Variants in TRAPPC9 observed in about 807,000 individuals in gnomAD.
TRAPPC9 encodes trafficking protein particle complex subunit 9.
TRAPPC9 carries 83 observed loss-of-function variants against 124.0 expected under a neutral mutation model. The ratio of observed to expected loss-of-function variants is 0.67; its 90% confidence interval spans 0.56 to 0.80. TRAPPC9 has a LOEUF of 0.80. Ranked by LOEUF, TRAPPC9 falls within the 30% of genes least tolerant of loss-of-function variation. TRAPPC9 has a pLI of 0.00. For missense variants in TRAPPC9, 1,302 were observed against 1,508.3 expected (o/e 0.86, Z 2.27); for synonymous variants, 638 against 617.5 (o/e 1.03, Z -0.49).
In TRAPPC9 at chr8:140,126,044, T is replaced by C. The variant is rs376276884; in HGVS notation, c.2556+95415A>G. 3.9e-5 allele frequency among the ~76,000 whole-genome samples: 6 copies of C among 152,226 alleles called. No homozygotes were observed. The South Asian group carries it at 6.2e-4, about 16-fold the overall frequency. ...GCCTCGGCCTCCCAAAGTGCTGGGA[T>C]TACAGGCATGAGCCACAGCACCAAG... is the stretch of plus-strand genomic sequence containing the variant. On this transcript the variant is annotated intron_variant, in intron 17 of 22. Coordinates refer to ENST00000438773, the MANE Select transcript of TRAPPC9 (RefSeq NM_001160372.4).
At chr8:140,300,383 G>C (rs1409652962) in intron 11 of TRAPPC9, 86 bp downstream of exon 11, 2 of 1,570,096 alleles carry the variant, frequency 1.3e-6, no homozygotes, top group Admixed American at 1.7e-5. Flanking sequence ...GCATGAACTG[G>C]CTCAAAATGC....
intron 7 of TRAPPC9, among the ~76,000 whole-genome samples, chr8:140,381,177 C>G: frequency 7.1e-6 from 1 of 141,570 alleles, no homozygotes; most frequent in South Asian, 2.2e-4. Context: ...TGCACTCAAG[C>G]TTGGGCAACA....
intron 9 of TRAPPC9, among the ~76,000 whole-genome samples, chr8:140,315,881 T>C (rs1427124744): frequency 6.6e-6 from 1 of 152,210 alleles, no homozygotes; most frequent in Non-Finnish European, 1.5e-5. Context: ...TCCAAAATCA[T>C]GGGAAACTCC....
chr8:139,781,456 A>C (rs980768766), intron 21 of TRAPPC9, among the ~76,000 whole-genome samples: 1 of 152,220 alleles, frequency 6.6e-6, no homozygotes, highest in Non-Finnish European at 1.5e-5. Context: ...AGGCCAAACA[A>C]TAGGGGTTAG....
At chr8:139,989,725 G>A (rs1837502778) in intron 18 of TRAPPC9, among the ~76,000 whole-genome samples, 1 of 152,186 alleles carries the variant, frequency 6.6e-6, no homozygotes, top group Non-Finnish European at 1.5e-5. Context: ...GGTGGCCGTG[G>A]CAGCCCTGCA....
intron 17 of TRAPPC9, among the ~76,000 whole-genome samples, chr8:140,193,256 G>A (rs2062539003): frequency 6.6e-6 from 1 of 152,168 alleles, no homozygotes; most frequent in Non-Finnish European, 1.5e-5. Flanking sequence ...CTTTTCTACT[G>A]GAGATATTGG....
chr8:139,925,888 G>A (rs907393764), intron 19 of TRAPPC9, among the ~76,000 whole-genome samples: 2 of 151,874 alleles, frequency 1.3e-5, no homozygotes, highest in African/African-American at 4.8e-5. Context: ...ATAGACCTCA[G>A]CAGCATGGGA....
At chr8:139,947,911 G>T (rs1479369878) in intron 19 of TRAPPC9, among the ~76,000 whole-genome samples, 2,527 of 47,748 alleles carry the variant, frequency 0.053, 270 homozygotes, top group African/African-American at 0.15. Flanking sequence ...TATATATAGA[G>T]AGAGAGAGAG....
chr8:140,119,318 A>C (rs535620147), intron 17 of TRAPPC9, among the ~76,000 whole-genome samples: 1 of 152,340 alleles, frequency 6.6e-6, no homozygotes, highest in Admixed American at 6.5e-5. Flanking sequence ...CTAAACAAAA[A>C]TGTTATGCAT....
At chr8:139,910,610 G>T (rs1831661785) in intron 19 of TRAPPC9, among the ~76,000 whole-genome samples, 1 of 152,194 alleles carries the variant, frequency 6.6e-6, no homozygotes, top group African/African-American at 2.4e-5. Context: ...GTGTGCCATA[G>T]ATAGTGAGCT....
chr8:139,885,850 G>T, intron 21 of TRAPPC9, 29 bp downstream of exon 21: 1 of 1,543,822 alleles, frequency 6.5e-7, no homozygotes, highest in Non-Finnish European at 8.8e-7. Flanking sequence ...CATCCACCCA[G>T]AATCGATGGG....
At chr8:139,968,802 G>A (rs1160274970) in intron 19 of TRAPPC9, among the ~76,000 whole-genome samples, 3 of 152,186 alleles carry the variant, frequency 2.0e-5, no homozygotes, top group African/African-American at 4.8e-5. Flanking sequence ...TTTCACAGAT[G>A]CCAACACTGA....
intron 7 of TRAPPC9, among the ~76,000 whole-genome samples, chr8:140,386,840 A>G (rs1399716132): frequency 6.6e-6 from 1 of 152,208 alleles, no homozygotes; most frequent in African/African-American, 2.4e-5. Context: ...TGGAACCAAA[A>G]AAGAGCCTGC....
chr8:140,397,612 A>T lies in TRAPPC9; in HGVS notation c.1134+8T>A. On this transcript the variant is annotated splice_region_variant and intron_variant, in intron 7 of 22. Transcript: ENST00000438773. ...AACTCTTCCACTTACAGGTAGACAT[A>T]CACTCACCTGTCGAAGGTTAATGTA... 4 of 1,614,002 alleles carry T rather than the reference A, an allele frequency of 2.5e-6. No individual in the cohort carries two copies. In the Admixed American group the frequency reaches 5.0e-5, roughly 20 times the overall value.
intron 2 of TRAPPC9, among the ~76,000 whole-genome samples, chr8:140,441,691 A>C (rs1469023278): frequency 6.6e-6 from 1 of 152,104 alleles, no homozygotes; most frequent in Non-Finnish European, 1.5e-5. Flanking sequence ...CAGCCTCCCA[A>C]GTAACTGGGA....
intron 17 of TRAPPC9, among the ~76,000 whole-genome samples, chr8:140,172,372 A>AGTTAAACTACCTGTGGGCAATGGAGGGGG: frequency 2.1e-5 from 3 of 143,860 alleles, no homozygotes; most frequent in South Asian, 2.3e-4. Context: ...ATGGAGGGGG[A>AGTTAAACTACCTGTGGGCAATGGAGGGGG]GTTAAACTAC....
At chr8:139,846,442 C>T (rs945396819) in intron 21 of TRAPPC9, among the ~76,000 whole-genome samples, 3 of 152,188 alleles carry the variant, frequency 2.0e-5, no homozygotes, top group African/African-American at 4.8e-5. Flanking sequence ...CTCATCTCTC[C>T]GAACTGACTG....
chr8:139,886,045 G>A (rs1286857035), intron 20 of TRAPPC9, 76 bp from the exon 21 acceptor site: 14 of 1,406,700 alleles, frequency 1.0e-5, no homozygotes, highest in Non-Finnish European at 1.4e-5. Context: ...TCTAGACAGA[G>A]ACCCTCAGAT....
chr8:140,080,599 GC>G (rs1239659595), intron 17 of TRAPPC9, among the ~76,000 whole-genome samples: 1 of 152,156 alleles, frequency 6.6e-6, no homozygotes, highest in Non-Finnish European at 1.5e-5. Flanking sequence ...CCCCATGACA[GC>G]GAGAACTCTC....
Sources: gnomAD v4.1 joint callset for allele counts (sites outside exome capture counted in the v4.1 genomes callset) on GRCh38, gnomAD v4.1.1 for gene constraint, MANE v1.5 for transcripts, NCBI Gene and HGNC (gene_info 2026-07-23, HGNC 2026-07-21) for gene names.